The following GSG1L variants were observed in gnomAD, a reference collection of about 807,000 sequenced individuals.
The protein encoded by GSG1L is GSG1 like.
In GSG1L, 24 loss-of-function variants were observed where a neutral mutation model predicts 42.1. The ratio of observed to expected loss-of-function variants is 0.57; its 90% CI spans 0.41 to 0.80. GSG1L has a LOEUF of 0.80. Among genes scored for constraint, GSG1L ranks in the 30% least tolerant of loss-of-function variants. The pLI is 0.00. For missense variants in GSG1L, 445 were observed against 472.2 expected (o/e 0.94, Z 0.53); for synonymous variants, 215 against 203.5 (o/e 1.06, Z -0.48).
At chr16:27,942,147 C>CTTTTTT (rs34617355) in intron 2 of GSG1L, among the ~76,000 whole-genome samples, 7 of 115,968 alleles carry the variant, frequency 6.0e-5, no homozygotes, top group Admixed American at 9.6e-5. Context: ...AAAACTTCTT[C>CTTTTTT]TTTTTTTTTT....
intron 5 of GSG1L, 125 bp from the exon 6 acceptor site, chr16:27,807,679 C>T (rs2082982830): frequency 2.8e-6 from 2 of 711,250 alleles, no homozygotes; most frequent in East Asian, 2.8e-5. Context: ...AAGTAACTTT[C>T]CACCTGCTGC....
intron 3 of GSG1L, among the ~76,000 whole-genome samples, chr16:27,854,322 G>A: frequency 8.0e-6 from 1 of 124,774 alleles, no homozygotes; most frequent in Non-Finnish European, 1.7e-5. Context: ...AAAGGAGAAG[G>A]AAAAGGGGGA....
chr16:28,011,406 A>C (rs2085715946), intron 1 of GSG1L, among the ~76,000 whole-genome samples: 2 of 152,190 alleles, frequency 1.3e-5, no homozygotes, highest in African/African-American at 4.8e-5. Flanking sequence ...AAGAGGATTG[A>C]GCAATGGACA....
intron 6 of GSG1L, among the ~76,000 whole-genome samples, chr16:27,803,410 C>G (rs1298022844): frequency 1.3e-5 from 2 of 152,078 alleles, no homozygotes; most frequent in East Asian, 3.9e-4. Context: ...TGCACTGGTG[C>G]CCCCAGCCCC....
At chr16:27,824,967 C>T (rs1596537104) in intron 5 of GSG1L, among the ~76,000 whole-genome samples, 1 of 152,350 alleles carries the variant, frequency 6.6e-6, no homozygotes, top group Non-Finnish European at 1.5e-5. Flanking sequence ...CCATGCTGGG[C>T]ATTGCCACCA....
rs955646748 is a variant in GSG1L, at chr16:27,791,917, C to T, written c.899-450G>A. 2.0e-5 allele frequency among the ~76,000 whole-genome samples: 3 copies of T among 152,042 alleles called. No homozygotes were observed. The South Asian group carries it at 6.2e-4, about 32-fold the overall frequency. On this transcript the variant is annotated intron_variant, in intron 6 of 6. Coordinates refer to ENST00000447459, the MANE Select transcript of GSG1L (RefSeq NM_001109763.2). Reference sequence around the variant, plus strand: ...TTACATGTACACATCCACCTACACCCAAAACATCCCCTTATCCACCCCATG... The same window carrying T: ...TTACATGTACACATCCACCTACACCTAAAACATCCCCTTATCCACCCCATG...
intron 6 of GSG1L, among the ~76,000 whole-genome samples, chr16:27,794,423 C>T (rs530527262): frequency 1.2e-4 from 18 of 152,134 alleles, no homozygotes; most frequent in East Asian, 1.9e-4. Context: ...CTCCGCTTCC[C>T]GGGTTCACGC....
At chr16:27,826,695 G>A (rs1161680519) in intron 5 of GSG1L, among the ~76,000 whole-genome samples, 1 of 152,126 alleles carries the variant, frequency 6.6e-6, no homozygotes, top group Non-Finnish European at 1.5e-5. Flanking sequence ...TGGGAAGGTG[G>A]GTCTTCATCC....
chr16:27,876,752 C>T (rs571627244), intron 3 of GSG1L, among the ~76,000 whole-genome samples: 2 of 152,288 alleles, frequency 1.3e-5, no homozygotes, highest in East Asian at 1.9e-4. Context: ...GCACCCACCC[C>T]GCAGGCCATA....
At chr16:28,043,592 C>G (rs997287105) in intron 1 of GSG1L, among the ~76,000 whole-genome samples, 3 of 152,162 alleles carry the variant, frequency 2.0e-5, no homozygotes, top group South Asian at 2.1e-4. Flanking sequence ...ATAGTAGGAA[C>G]TGGAATAGGA....
chr16:27,977,861 G>A (rs778912185), intron 1 of GSG1L, among the ~76,000 whole-genome samples: 5 of 152,250 alleles, frequency 3.3e-5, no homozygotes, highest in Admixed American at 6.5e-5. Flanking sequence ...TGTGTCCACC[G>A]TTCAGAAAAG....
chr16:27,858,505 T>C (rs1368613172), intron 3 of GSG1L, among the ~76,000 whole-genome samples: 1 of 152,216 alleles, frequency 6.6e-6, no homozygotes, highest in Non-Finnish European at 1.5e-5. Context: ...CTTCCACTCA[T>C]TCATTCATTC....
intron 1 of GSG1L, among the ~76,000 whole-genome samples, chr16:27,987,034 T>C (rs1380112157): frequency 6.6e-6 from 1 of 152,134 alleles, no homozygotes; most frequent in Non-Finnish European, 1.5e-5. Context: ...CTGGCCAACA[T>C]GGTGAAACCC....
At chr16:27,818,146 C>T (rs954114629) in intron 5 of GSG1L, among the ~76,000 whole-genome samples, 11 of 152,208 alleles carry the variant, frequency 7.2e-5, no homozygotes, top group African/African-American at 2.7e-4. Flanking sequence ...GCTTCCCATC[C>T]TCTCCCCATG....
intron 2 of GSG1L, among the ~76,000 whole-genome samples, chr16:27,956,264 T>C (rs1342648092): frequency 6.6e-6 from 1 of 152,222 alleles, no homozygotes; most frequent in Admixed American, 6.5e-5. Context: ...ATAGACCATT[T>C]AGCAGCCTGA....
chr16:28,045,352 C>T (rs1170915233), intron 1 of GSG1L, among the ~76,000 whole-genome samples: 1 of 152,118 alleles, frequency 6.6e-6, no homozygotes, highest in African/African-American at 2.4e-5. Context: ...ACTCCATGCT[C>T]AATTTTGCTG....
chr16:27,825,110 A>C (rs572896155), intron 5 of GSG1L, among the ~76,000 whole-genome samples: 3 of 152,320 alleles, frequency 2.0e-5, no homozygotes, highest in Middle Eastern at 3.4e-3. Flanking sequence ...TTGGCATGGA[A>C]GTGCTGGGGC....
Position 28,009,093 on chromosome 16 carries a change from G to C in GSG1L, c.350-45890C>G, listed in dbSNP as rs78762103. Reference sequence around the variant, plus strand: ...CGAAGTACTGGGATTACAGGAGTAAGCCACGGTGCTTGGCCACATCAGTAC... The same window carrying C: ...CGAAGTACTGGGATTACAGGAGTAACCCACGGTGCTTGGCCACATCAGTAC... On this transcript the variant is annotated intron_variant, in intron 1 of 6. Transcript: ENST00000447459. Among the ~76,000 whole-genome samples the C allele has an allele frequency of 4.4e-3, 672 of 152,324 alleles. 7 individuals are homozygous for C. Among genetic ancestry groups the C allele is most frequent in the African/African-American group, 0.015 (627 of 41,576 alleles).
intron 4 of GSG1L, among the ~76,000 whole-genome samples, chr16:27,841,098 A>G (rs2083376170): frequency 6.6e-6 from 1 of 152,254 alleles, no homozygotes; most frequent in Non-Finnish European, 1.5e-5. Context: ...GTACACCTCA[A>G]CAGAGAAATG....
Sources: allele counts gnomAD v4.1 joint callset (sites outside exome capture counted in the v4.1 genomes callset), GRCh38; gene constraint gnomAD v4.1.1; transcripts MANE v1.5; gene names NCBI Gene and HGNC (gene_info 2026-07-23, HGNC 2026-07-21).